PSMA1: variants seen among roughly 807,000 people sequenced by gnomAD.
PSMA1 encodes the protein proteasome subunit alpha type-1.
Under a neutral mutation model 38.4 loss-of-function variants are expected in PSMA1, and 3 were observed. The observed-to-expected ratio is 0.08, with a 90% CI of 0.04 to 0.20. PSMA1 has a LOEUF of 0.20. PSMA1 is among the 10% of genes least tolerant of loss of function. PSMA1 has a pLI of 1.00. For synonymous variants in PSMA1, 101 were observed against 107.1 expected (o/e 0.94, Z 0.35); for missense variants, 227 against 325.3 (o/e 0.70, Z 2.32).
chr11:14,574,492 C>T (rs942404170), intron 2 of PSMA1, among the ~76,000 whole-genome samples: 10 of 152,166 alleles, frequency 6.6e-5, no homozygotes, highest in Admixed American at 2.0e-4. Flanking sequence ...TTTCAGAAGA[C>T]GTATGGTGAT....
At chr11:14,508,807 A>G (rs1589976581) in intron 8 of PSMA1, among the ~76,000 whole-genome samples, 1 of 152,230 alleles carries the variant, frequency 6.6e-6, no homozygotes, top group South Asian at 2.1e-4. Context: ...TCAGGTCCTC[A>G]GTGACAACTT....
At chr11:14,529,945 A>G (rs191526051) in intron 2 of PSMA1, among the ~76,000 whole-genome samples, 67 of 152,254 alleles carry the variant, frequency 4.4e-4, no homozygotes, top group African/African-American at 1.5e-3. Flanking sequence ...AATTAGCCAA[A>G]ATTTCTTGCT....
chr11:14,614,017 G>C (rs1224330160), intron 1 of PSMA1, among the ~76,000 whole-genome samples: 1 of 152,122 alleles, frequency 6.6e-6, no homozygotes, highest in Non-Finnish European at 1.5e-5. Flanking sequence ...AACTCTGCTT[G>C]TCACAGTATT....
rs16930282 is a variant in PSMA1 at position 14,560,420 on chromosome 11, C to T, written c.22-41379G>A. On this transcript the variant is annotated intron_variant, in intron 2 of 10. Coordinates refer to the PSMA1 transcript ENST00000418988. ...AACCCATTTTAGCTTCACTCACCCT[C>T]AGCTCTGCCATCCAGGTGGTTTACC... Among the ~76,000 whole-genome samples the T allele has an allele frequency of 4.7e-3, 721 of 152,300 alleles. 32 individuals are homozygous for T. The East Asian group carries it at 0.1, about 22-fold the overall frequency.
chr11:14,620,054 TCGTGTGTGTGTG>T (rs1852822743), intron 1 of PSMA1, among the ~76,000 whole-genome samples: 1 of 151,934 alleles, frequency 6.6e-6, no homozygotes, highest in East Asian at 1.9e-4. Context: ...TTATAAACAC[TCGTGTGTGTGTG>T]CGTGTGTGTG....
At chr11:14,525,869 T>A (rs1851580492) in intron 2 of PSMA1, among the ~76,000 whole-genome samples, 1 of 152,182 alleles carries the variant, frequency 6.6e-6, no homozygotes, top group African/African-American at 2.4e-5. Flanking sequence ...CTCTTTCCCT[T>A]GATTTACTTT....
chr11:14,554,480 A>G (rs1851921076), intron 2 of PSMA1, among the ~76,000 whole-genome samples: 1 of 152,106 alleles, frequency 6.6e-6, no homozygotes, highest in Non-Finnish European at 1.5e-5. Context: ...ATTTTGAGTT[A>G]GTTTTTCTAT....
At chr11:14,516,758 T>G (rs1851437106) in intron 4 of PSMA1, among the ~76,000 whole-genome samples, 1 of 152,098 alleles carries the variant, frequency 6.6e-6, no homozygotes, top group South Asian at 2.1e-4. Flanking sequence ...AAACCCCGTC[T>G]CTACTAAAAA....
At chr11:14,642,470 C>G (rs1017160634) in intron 1 of PSMA1, among the ~76,000 whole-genome samples, 1 of 152,244 alleles carries the variant, frequency 6.6e-6, no homozygotes, top group Middle Eastern at 3.4e-3. Context: ...TGGTTAAATT[C>G]TTGTGCTAAT....
At chr11:14,538,806 T>C (rs907531991) in intron 2 of PSMA1, among the ~76,000 whole-genome samples, 1 of 152,254 alleles carries the variant, frequency 6.6e-6, no homozygotes, top group Admixed American at 6.5e-5. Context: ...ACCCAGTACC[T>C]GACTTCTGCC....
intron 2 of PSMA1, among the ~76,000 whole-genome samples, chr11:14,587,313 G>C (rs985267402): frequency 2.6e-5 from 4 of 152,122 alleles, no homozygotes; most frequent in African/African-American, 9.7e-5. Flanking sequence ...GGAATCTGGC[G>C]GTGTCCCTCT....
At chr11:14,516,961 T>A (rs1177365088) in intron 4 of PSMA1, among the ~76,000 whole-genome samples, 1 of 152,094 alleles carries the variant, frequency 6.6e-6, no homozygotes, top group Non-Finnish European at 1.5e-5. Context: ...ATAGCCTTGA[T>A]AAAGAAAACA....
At chr11:14,583,336 G>A (rs896029) in intron 2 of PSMA1, among the ~76,000 whole-genome samples, 149,365 of 152,310 alleles carry the variant, frequency 0.98, 73,333 homozygotes, top group Middle Eastern at 1. Flanking sequence ...ACGTCAGGCC[G>A]TTTGTACATC....
chr11:14,517,558 C>A, intron 4 of PSMA1, 84 bp downstream of exon 4: 1 of 1,148,076 alleles, frequency 8.7e-7, no homozygotes, highest in East Asian at 2.6e-5. Context: ...AGACAACTTC[C>A]TAAAATACCT....
At chr11:14,616,433 A>G (rs1852774660) in intron 1 of PSMA1, among the ~76,000 whole-genome samples, 1 of 151,872 alleles carries the variant, frequency 6.6e-6, no homozygotes, top group Non-Finnish European at 1.5e-5. Context: ...AGGTCTCACC[A>G]TGTTGGCTAG....
intron 2 of PSMA1, among the ~76,000 whole-genome samples, chr11:14,546,638 A>G (rs563260138): frequency 6.6e-6 from 1 of 152,196 alleles, no homozygotes; most frequent in African/African-American, 2.4e-5. Context: ...GGGTTTCACC[A>G]TGTTGGCCAG....
At chr11:14,517,767 T>G in intron 3 of PSMA1, 22 bp from the exon 4 acceptor site, 1 of 1,404,420 alleles carries the variant, frequency 7.1e-7, no homozygotes, top group Non-Finnish European at 9.4e-7. Flanking sequence ...CATTATAAGA[T>G]GTAAAAAAAA....
intron 2 of PSMA1, among the ~76,000 whole-genome samples, chr11:14,587,461 A>G (rs1852361135): frequency 6.6e-6 from 1 of 152,232 alleles, no homozygotes; most frequent in Non-Finnish European, 1.5e-5. Context: ...AACAAGGAGA[A>G]TAACTTCCCA....
At chr11:14,601,884 G>C (rs962415897) in intron 2 of PSMA1, among the ~76,000 whole-genome samples, 1 of 152,312 alleles carries the variant, frequency 6.6e-6, no homozygotes, top group Middle Eastern at 3.4e-3. Flanking sequence ...TCATGCATGA[G>C]AAAATCTTGT....
Sources: allele counts gnomAD v4.1 joint callset (sites outside exome capture counted in the v4.1 genomes callset), GRCh38; gene constraint gnomAD v4.1.1; transcripts MANE v1.5; gene names NCBI Gene and HGNC (gene_info 2026-07-23, HGNC 2026-07-21).